TCF12: variants seen among roughly 807,000 people sequenced by gnomAD.
TCF12 encodes the protein DNA-binding protein HTF4.
A neutral mutation model predicts 86.0 loss-of-function variants in TCF12; 45 were observed. The observed-to-expected ratio is 0.52, with a 90% CI of 0.41 to 0.67. The LOEUF is 0.67. Ranked by LOEUF, TCF12 falls within the 30% of genes least tolerant of loss-of-function variation. The probability of loss-of-function intolerance (pLI) is 0.00; values close to 1 mark genes in which losing one functional copy is unlikely to be tolerated. For synonymous variants in TCF12, 330 were observed against 299.6 expected, an observed-to-expected ratio of 1.10 and a Z score of -1.05; for missense variants, 881 against 859.9, an observed-to-expected ratio of 1.02 and a Z score of -0.31.
At position 57,081,943 on chromosome 15, in the gene TCF12, C is replaced by T. The variant is rs2048342565; in HGVS notation, c.223-9846C>T. ...TGAGTGAAGATTCGGTAATATATTC[C>T]TGGAAGGAACCACTGATCTATCAGC... On this transcript the variant is annotated intron_variant, in intron 4 of 20. Transcript: ENST00000333725. Among the ~76,000 whole-genome samples the T allele has an allele frequency of 3.3e-5, 5 of 152,142 alleles. 1 individual carries two copies. The South Asian group carries it at 1.0e-3, about 32-fold the overall frequency.
At chr15:57,228,604 G>C (rs537175372) in intron 8 of TCF12, among the ~76,000 whole-genome samples, 1 of 152,070 alleles carries the variant, frequency 6.6e-6, no homozygotes, top group Admixed American at 6.5e-5. Flanking sequence ...GTTTATCTTA[G>C]TTTTCTTGCT....
intron 17 of TCF12, 60 bp downstream of exon 17, chr15:57,262,268 C>A: frequency 8.5e-7 from 1 of 1,169,850 alleles, no homozygotes; most frequent in South Asian, 1.4e-5. Flanking sequence ...GGAACACTGT[C>A]ACCTTTCTCA....
chr15:57,229,732 T>C (rs188675066), intron 8 of TCF12, among the ~76,000 whole-genome samples: 1 of 152,028 alleles, frequency 6.6e-6, no homozygotes, highest in Admixed American at 6.5e-5. Context: ...GCCTGCATAC[T>C]TCGTACAAGG....
At chr15:56,990,684 A>G (rs147764731) in intron 3 of TCF12, among the ~76,000 whole-genome samples, 5 of 152,288 alleles carry the variant, frequency 3.3e-5, no homozygotes, top group East Asian at 1.9e-4. Context: ...TGATAGCCCA[A>G]TGTGTTCTTG....
At chr15:57,071,714 A>T (rs1281603590) in intron 4 of TCF12, among the ~76,000 whole-genome samples, 2 of 152,236 alleles carry the variant, frequency 1.3e-5, no homozygotes, top group African/African-American at 4.8e-5. Context: ...GGCAACAAAT[A>T]GTTAATTACG....
intron 3 of TCF12, among the ~76,000 whole-genome samples, chr15:57,002,070 T>C (rs867785687): frequency 1.3e-5 from 2 of 152,214 alleles, no homozygotes; most frequent in African/African-American, 2.4e-5. Context: ...TTTCTAAATA[T>C]AGTTTTCATT....
chr15:57,167,554 G>C (rs1353067578), intron 6 of TCF12, among the ~76,000 whole-genome samples: 2 of 151,720 alleles, frequency 1.3e-5, no homozygotes, highest in Non-Finnish European at 2.9e-5. Context: ...GTAAGACTCT[G>C]TCTCAAAAAG....
intron 3 of TCF12, among the ~76,000 whole-genome samples, chr15:56,954,104 A>G (rs899993185): frequency 5.9e-5 from 9 of 151,922 alleles, no homozygotes; most frequent in Middle Eastern, 3.4e-3. Flanking sequence ...ATTTTGATAT[A>G]TTGGATTGTT....
chr15:57,272,790 A>G (rs2061202466), intron 18 of TCF12, among the ~76,000 whole-genome samples: 1 of 152,254 alleles, frequency 6.6e-6, no homozygotes, highest in African/African-American at 2.4e-5. Context: ...TTTATGCTAT[A>G]ATGTGCAATG....
intron 20 of TCF12, 115 bp downstream of exon 20, chr15:57,282,713 A>G (rs569827560): frequency 1.5e-4 from 188 of 1,234,494 alleles, no homozygotes; most frequent in Non-Finnish European, 2.0e-4. Flanking sequence ...TAAAGGTCAC[A>G]TGTAATTTGA....
At chr15:57,223,803 G>T (rs1201716141) in intron 8 of TCF12, among the ~76,000 whole-genome samples, 1 of 151,344 alleles carries the variant, frequency 6.6e-6, no homozygotes, top group Non-Finnish European at 1.5e-5. Context: ...TGTTCTATTG[G>T]GGTATTTATT....
intron 6 of TCF12, 140 bp from the exon 7 acceptor site, chr15:57,192,018 T>A (rs899928232): frequency 1.1e-6 from 1 of 877,600 alleles, no homozygotes; most frequent in Admixed American, 2.6e-5. Flanking sequence ...AGTGGTCTAA[T>A]TGAATTCAAA....
In TCF12 at chr15:57,063,838, C is replaced by A; in HGVS notation, c.222+15C>A. On this transcript the variant is annotated intron_variant, in intron 4 of 20. Coordinates refer to ENST00000333725, the MANE Select transcript of TCF12 (RefSeq NM_207037.2). The stretch of plus-strand genomic sequence containing the variant: ...ATTCATCTAGAGTAAGTTTGCTGAT[C>A]AACCCTTGATTAAAGCTGTAATTTG... The A allele has an allele frequency of 6.4e-7, 1 of 1,567,604 alleles. No homozygotes were observed. The highest frequency in any genetic ancestry group is 1.2e-5 in the South Asian group (1 of 85,158).
chr15:57,110,841 A>G (rs1385767629), intron 5 of TCF12, among the ~76,000 whole-genome samples: 4 of 152,068 alleles, frequency 2.6e-5, no homozygotes, highest in African/African-American at 4.8e-5. Context: ...AGATTGAAAC[A>G]CTCTAGAAGC....
intron 15 of TCF12, 111 bp from the exon 16 acceptor site, chr15:57,253,151 T>TA (rs1208035734): frequency 2.6e-6 from 3 of 1,162,882 alleles, no homozygotes; most frequent in South Asian, 1.4e-5. Context: ...AGCTACTTGA[T>TA]ACTGCATTTC....
At chr15:56,952,514 G>A (rs1459504648) in intron 3 of TCF12, among the ~76,000 whole-genome samples, 1 of 151,996 alleles carries the variant, frequency 6.6e-6, no homozygotes, top group Non-Finnish European at 1.5e-5. Flanking sequence ...TCTGATCCAT[G>A]TAGATGCTGT....
rs142920259 is a variant in TCF12 at position 57,198,146 on chromosome 15, T to C, written c.579+321T>C. Among the ~76,000 whole-genome samples the C allele has an allele frequency of 1.9e-3, 292 of 152,294 alleles. 3 individuals are homozygous for C. The highest frequency in any genetic ancestry group is 2.3e-3 in the African/African-American group (95 of 41,572). ...GGTCTTTTGATGTTTAATTAGTCAT[T>C]ATGTTGCTGAACAGGAGGACAGACA... is the stretch of plus-strand genomic sequence containing the variant. On this transcript the variant is annotated intron_variant, in intron 8 of 20. Transcript: ENST00000333725.
At chr15:57,219,411 C>A (rs2058474254) in intron 8 of TCF12, 6 of 1,391,888 alleles carry the variant, frequency 4.3e-6, no homozygotes, top group African/African-American at 1.4e-5. Flanking sequence ...TTGAGTAGAT[C>A]CATGTGTGAA....
chr15:56,963,722 G>T (rs534265005), intron 3 of TCF12, among the ~76,000 whole-genome samples: 1 of 152,114 alleles, frequency 6.6e-6, no homozygotes, highest in African/African-American at 2.4e-5. Flanking sequence ...TTATTTTTAA[G>T]TAATCTTTGT....
Sources: gnomAD v4.1 joint callset for allele counts (sites outside exome capture counted in the v4.1 genomes callset) on GRCh38, gnomAD v4.1.1 for gene constraint, MANE v1.5 for transcripts, NCBI Gene and HGNC (gene_info 2026-07-23, HGNC 2026-07-21) for gene names.